ADAM2: variants seen among roughly 807,000 people sequenced by gnomAD.
ADAM2 encodes the protein disintegrin and metalloproteinase domain-containing protein 2.
ADAM2 carries 101 observed loss-of-function variants against 99.3 expected under a neutral mutation model. That is an observed-to-expected ratio of 1.02 (90% CI 0.87 to 1.20). The LOEUF is 1.20. Ranked by LOEUF, ADAM2 falls within the 50% of genes most tolerant of loss-of-function variation. The probability of loss-of-function intolerance (pLI) is 0.00; values close to 1 mark genes in which losing one functional copy is unlikely to be tolerated. For missense variants in ADAM2, 948 were observed against 878.7 expected (o/e 1.08, Z -1.00); for synonymous variants, 323 against 287.6 (o/e 1.12, Z -1.25).
At chr8:39,761,308 ATAT>A (rs774833120) in intron 14 of ADAM2, 27 bp from the exon 15 acceptor site, 3 of 1,352,252 alleles carry the variant, frequency 2.2e-6, no homozygotes, top group African/African-American at 2.9e-5. Context: ...GAGGTTAGTC[ATAT>A]TAAACTTATA....
rs34604322 is a variant in ADAM2, at chr8:39,835,681, CA to C, written c.132+1454del. On this transcript the variant is annotated intron_variant, in intron 2 of 20. Transcript: ENST00000265708. ...CTGGGCAACAAGCAAGACTCCGTCT[CA>C]AAAAAAAAAAAAAATCTAGTAATTT... Among the ~76,000 whole-genome samples the C allele has an allele frequency of 1.9e-3, 240 of 129,364 alleles. 4 individuals are homozygous for C. Among genetic ancestry groups the C allele is most frequent in the East Asian group, 0.014 (58 of 4,248 alleles). 84.9% of individuals were successfully genotyped at this position (129,364 alleles called of 152,430 possible).
chr8:39,761,125 C>T, intron 15 of ADAM2, 51 bp downstream of exon 15: 1 of 1,158,552 alleles, frequency 8.6e-7, no homozygotes, highest in African/African-American at 1.6e-5. Context: ...ATGGTATTTT[C>T]AAATATAAGG....
intron 11 of ADAM2, among the ~76,000 whole-genome samples, chr8:39,772,207 A>G (rs764686510): frequency 1.3e-5 from 2 of 150,980 alleles, no homozygotes; most frequent in East Asian, 3.9e-4. Flanking sequence ...GATTTGCTGG[A>G]TGCTTTCATT....
intron 11 of ADAM2, among the ~76,000 whole-genome samples, chr8:39,771,445 ATAAT>A (rs1392659883): frequency 6.6e-6 from 1 of 152,184 alleles, no homozygotes; most frequent in Non-Finnish European, 1.5e-5. Flanking sequence ...CTTACTATAA[ATAAT>A]AAAGTTTAAT....
At chr8:39,809,931 A>G (rs1411619922) in intron 6 of ADAM2, among the ~76,000 whole-genome samples, 1 of 152,232 alleles carries the variant, frequency 6.6e-6, no homozygotes, top group Non-Finnish European at 1.5e-5. Context: ...CACACATAAC[A>G]ATATTAACCT....
intron 16 of ADAM2, 95 bp downstream of exon 16, chr8:39,755,633 C>G: frequency 1.1e-6 from 1 of 893,768 alleles, no homozygotes; most frequent in Non-Finnish European, 1.8e-6. Context: ...GAGATCACAC[C>G]ACTGCACTCT....
At chr8:39,754,296 C>G (rs189860065) in intron 16 of ADAM2, among the ~76,000 whole-genome samples, 1 of 152,248 alleles carries the variant, frequency 6.6e-6, no homozygotes, top group African/African-American at 2.4e-5. Flanking sequence ...AGATCTATAG[C>G]TAAAAACTGG....
At chr8:39,814,940 A>C (rs1405198669) in intron 6 of ADAM2, among the ~76,000 whole-genome samples, 1 of 151,892 alleles carries the variant, frequency 6.6e-6, no homozygotes, top group Non-Finnish European at 1.5e-5. Flanking sequence ...TATAAGGAAA[A>C]GTCAGAAAAA....
chr8:39,817,421 G>T (rs939117778), intron 6 of ADAM2, among the ~76,000 whole-genome samples: 1 of 152,114 alleles, frequency 6.6e-6, no homozygotes, highest in Non-Finnish European at 1.5e-5. Flanking sequence ...GTGTTCTATA[G>T]CACCATAGGG....
chr8:39,748,658 C>T (rs1184839714), intron 18 of ADAM2, among the ~76,000 whole-genome samples: 1 of 152,114 alleles, frequency 6.6e-6, no homozygotes, highest in East Asian at 1.9e-4. Context: ...CTGCTTTGAT[C>T]AATATCACAG....
intron 14 of ADAM2, among the ~76,000 whole-genome samples, chr8:39,763,633 G>T (rs1031948756): frequency 2.0e-5 from 3 of 151,978 alleles, no homozygotes; most frequent in African/African-American, 7.3e-5. Flanking sequence ...ATCATGTTAG[G>T]CTCCAATAAA....
intron 15 of ADAM2, among the ~76,000 whole-genome samples, chr8:39,757,062 T>G (rs899290967): frequency 6.6e-6 from 1 of 152,156 alleles, no homozygotes; most frequent in Non-Finnish European, 1.5e-5. Flanking sequence ...AATCATACAA[T>G]TATTAATATC....
intron 16 of ADAM2, among the ~76,000 whole-genome samples, chr8:39,750,357 A>ATAAC (rs1823682338): frequency 6.6e-6 from 1 of 152,158 alleles, no homozygotes; most frequent in African/African-American, 2.4e-5. Flanking sequence ...TGTTCATACC[A>ATAAC]TAACAAAAGA....
At chr8:39,792,465 A>G (rs1326821340) in intron 7 of ADAM2, among the ~76,000 whole-genome samples, 1 of 152,074 alleles carries the variant, frequency 6.6e-6, no homozygotes, top group Non-Finnish European at 1.5e-5. Flanking sequence ...TGTAAGACTG[A>G]TGAAACCCCT....
chr8:39,810,785 G>C (rs2129587059), intron 6 of ADAM2, among the ~76,000 whole-genome samples: 3 of 152,284 alleles, frequency 2.0e-5, no homozygotes, highest in Admixed American at 2.0e-4. Flanking sequence ...ATTTAAAGCA[G>C]TGTGTAGAGG....
intron 11 of ADAM2, among the ~76,000 whole-genome samples, chr8:39,772,039 G>A (rs187127628): frequency 7.3e-4 from 109 of 149,718 alleles, no homozygotes; most frequent in African/African-American, 2.6e-3. Context: ...GTAACAAACC[G>A]CACGTTGTGC....
intron 7 of ADAM2, among the ~76,000 whole-genome samples, chr8:39,792,431 A>T (rs762767042): frequency 5.9e-5 from 9 of 152,058 alleles, no homozygotes; most frequent in Non-Finnish European, 1.2e-4. Context: ...AAATAGCTTC[A>T]CTAAAATATT....
intron 3 of ADAM2, among the ~76,000 whole-genome samples, chr8:39,825,809 C>T (rs917862897): frequency 9.2e-5 from 14 of 152,022 alleles, no homozygotes; most frequent in South Asian, 8.3e-4. Flanking sequence ...AAAAGGCAAA[C>T]GACATCTTTT....
intron 7 of ADAM2, among the ~76,000 whole-genome samples, chr8:39,790,198 G>A (rs957850110): frequency 1.3e-5 from 2 of 151,886 alleles, no homozygotes; most frequent in East Asian, 1.9e-4. Flanking sequence ...TACCCAATAC[G>A]AGTTAAAATG....
Sources: gnomAD v4.1 joint callset for allele counts (sites outside exome capture counted in the v4.1 genomes callset) on GRCh38, gnomAD v4.1.1 for gene constraint, MANE v1.5 for transcripts, NCBI Gene and HGNC (gene_info 2026-07-23, HGNC 2026-07-21) for gene names.